Variants in DCAF4 observed in about 807,000 individuals in gnomAD.
DCAF4 encodes DDB1 and CUL4 associated factor 4.
In DCAF4, 37 loss-of-function variants were observed where a neutral mutation model predicts 60.9. That is an observed-to-expected ratio of 0.61 (90% CI 0.47 to 0.80). DCAF4 has a LOEUF of 0.80. Among genes scored for constraint, DCAF4 ranks in the 30% least tolerant of loss-of-function variants. DCAF4 has a pLI of 0.00. For synonymous variants in DCAF4, 243 were observed against 254.8 expected (o/e 0.95, Z 0.44); for missense variants, 577 against 650.0 (o/e 0.89, Z 1.22).
At chr14:72,929,732 C>T (rs950154152) in intron 1 of DCAF4, 1 of 1,145,634 alleles carries the variant, frequency 8.7e-7, no homozygotes. Context: ...GGGCCCATTT[C>T]TCCTTGAAGA....
intron 1 of DCAF4, among the ~76,000 whole-genome samples, chr14:72,935,906 G>C (rs1889201899): frequency 1.3e-5 from 2 of 152,164 alleles, no homozygotes; most frequent in Non-Finnish European, 2.9e-5. Context: ...TTTTTATAGA[G>C]TTGGTAATAA....
chr14:72,946,457 A>T (rs1296368532), intron 7 of DCAF4, among the ~76,000 whole-genome samples: 3 of 152,170 alleles, frequency 2.0e-5, no homozygotes, highest in Non-Finnish European at 4.4e-5. Context: ...AAAGGACTCC[A>T]GGAGTTTCTT....
intron 1 of DCAF4, chr14:72,929,548 T>TTTG (rs1030358268): frequency 7.1e-6 from 6 of 841,122 alleles, no homozygotes; most frequent in Non-Finnish European, 1.2e-5. Flanking sequence ...AAAATATTTT[T>TTTG]TATTTTTATT....
At chr14:72,951,437 C>T (rs1458217692) in intron 8 of DCAF4, among the ~76,000 whole-genome samples, 1 of 152,088 alleles carries the variant, frequency 6.6e-6, no homozygotes, top group African/African-American at 2.4e-5. Flanking sequence ...CTTGGAGAAA[C>T]CCCGTCTCTA....
At chr14:72,933,629 A>G (rs1264306016) in intron 1 of DCAF4, among the ~76,000 whole-genome samples, 1 of 151,466 alleles carries the variant, frequency 6.6e-6, no homozygotes, top group Non-Finnish European at 1.5e-5. Flanking sequence ...GTCCCAGTCC[A>G]TGTCACCATA....
rs2246976 is a variant in DCAF4 at position 72,946,031 on chromosome 14, C to A, written c.678+4C>A. 9.9e-4 allele frequency: 1,596 copies of A among 1,613,394 alleles called. 20 individuals carry two copies. The South Asian group carries it at 0.017, about 17-fold the overall frequency. ...CCTCTACTTCACCAACCGGAAGGTA[C>A]GTTGCCCATCCCTGTAGCCTCTCTG... On this transcript the variant is annotated splice_donor_region_variant and intron_variant, in intron 7 of 13. Coordinates refer to ENST00000358377, the MANE Select transcript of DCAF4 (RefSeq NM_015604.4).
At chr14:72,957,471 A>C (rs375141277) in intron 13 of DCAF4, 2 of 152,364 alleles carry the variant, frequency 1.3e-5, no homozygotes, top group East Asian at 1.9e-4. Context: ...TCCTATAGAA[A>C]GGGCTTATAC....
At chr14:72,939,524 A>G (rs189555192) in intron 2 of DCAF4, among the ~76,000 whole-genome samples, 1 of 152,356 alleles carries the variant, frequency 6.6e-6, no homozygotes, top group East Asian at 1.9e-4. Flanking sequence ...TAATCTGGAA[A>G]ATTCCACAAG....
At chr14:72,943,265 G>C (rs926637394) in intron 6 of DCAF4, among the ~76,000 whole-genome samples, 169 bp downstream of exon 6, 1 of 152,178 alleles carries the variant, frequency 6.6e-6, no homozygotes, top group Non-Finnish European at 1.5e-5. Context: ...TACCCGCTGG[G>C]AGACGCTGAG....
chr14:72,932,428 T>C (rs763255947), intron 1 of DCAF4, among the ~76,000 whole-genome samples: 1 of 152,276 alleles, frequency 6.6e-6, no homozygotes, highest in Non-Finnish European at 1.5e-5. Context: ...GGAAGGCATG[T>C]ACATTTGTAA....
At chr14:72,941,688 T>A in intron 4 of DCAF4, 57 bp from the exon 5 acceptor site, 3 of 1,524,262 alleles carry the variant, frequency 2.0e-6, no homozygotes, top group Non-Finnish European at 2.7e-6. Context: ...ACATTCTCCA[T>A]CATCCCCTAA....
chr14:72,948,265 C>T (rs531488082), intron 8 of DCAF4, among the ~76,000 whole-genome samples: 275 of 152,200 alleles, frequency 1.8e-3, no homozygotes, highest in Non-Finnish European at 2.9e-3. Flanking sequence ...ATAGCTCACT[C>T]CAGCCTAGAA....
intron 9 of DCAF4, among the ~76,000 whole-genome samples, chr14:72,953,667 G>C (rs1891736387): frequency 8.3e-6 from 1 of 120,776 alleles, no homozygotes; most frequent in East Asian, 2.9e-4. Flanking sequence ...CCATGATCAC[G>C]CCACTGCACT....
intron 1 of DCAF4, among the ~76,000 whole-genome samples, chr14:72,937,513 C>T (rs1385838508): frequency 2.6e-5 from 4 of 151,156 alleles, no homozygotes; most frequent in Non-Finnish European, 4.4e-5. Context: ...CTCCACCTCC[C>T]GGGTTCAAGC....
At chr14:72,961,976 TC>T, downstream of DCAF4, 2 of 1,121,710 alleles carry the variant, frequency 1.8e-6, no homozygotes, top group Non-Finnish European at 2.2e-6. Context: ...TTTGGAGAGG[TC>T]ACCCACTTCC....
intron 9 of DCAF4, among the ~76,000 whole-genome samples, 165 bp downstream of exon 9, chr14:72,952,042 G>T (rs1370857562): frequency 6.6e-6 from 1 of 152,018 alleles, no homozygotes; most frequent in Admixed American, 6.6e-5. Context: ...TACAGCATCT[G>T]CCCCTTTTTA....
intron 8 of DCAF4, among the ~76,000 whole-genome samples, chr14:72,951,440 C>T (rs1174688072): frequency 2.6e-5 from 4 of 152,122 alleles, no homozygotes; most frequent in Non-Finnish European, 2.9e-5. Context: ...GGAGAAACCC[C>T]GTCTCTACTA....
At chr14:72,936,795 T>G (rs1276526763) in intron 1 of DCAF4, among the ~76,000 whole-genome samples, 3 of 152,098 alleles carry the variant, frequency 2.0e-5, no homozygotes, top group Non-Finnish European at 4.4e-5. Flanking sequence ...GAGGTGGTGT[T>G]AAGTCTGAAA....
At chr14:72,939,540 A>G (rs530452152) in intron 2 of DCAF4, among the ~76,000 whole-genome samples, 1 of 152,320 alleles carries the variant, frequency 6.6e-6, no homozygotes, top group East Asian at 1.9e-4. Flanking sequence ...ACAAGACCTC[A>G]CAAAATGCGC....
Sources: gnomAD v4.1 joint callset for allele counts (sites outside exome capture counted in the v4.1 genomes callset) on GRCh38, gnomAD v4.1.1 for gene constraint, MANE v1.5 for transcripts, NCBI Gene and HGNC (gene_info 2026-07-23, HGNC 2026-07-21) for gene names.